Variants in CSRNP3 observed in about 807,000 individuals in gnomAD.
CSRNP3 encodes cysteine/serine-rich nuclear protein 3.
CSRNP3 carries 12 observed loss-of-function variants against 48.0 expected under a neutral mutation model. The ratio of observed to expected loss-of-function variants is 0.25; its 90% CI spans 0.16 to 0.41. The LOEUF (loss-of-function observed/expected upper bound fraction) is 0.41. Among genes scored for constraint, CSRNP3 ranks in the 10% least tolerant of loss-of-function variants. CSRNP3 has a pLI of 1.00. For synonymous variants in CSRNP3, 263 were observed against 269.7 expected, an observed-to-expected ratio of 0.98 and a Z score of 0.24; for missense variants, 580 against 724.4, an observed-to-expected ratio of 0.80 and a Z score of 2.29.
chr2:165,638,234 G>A (rs1686663624), intron 4 of CSRNP3, among the ~76,000 whole-genome samples: 1 of 152,222 alleles, frequency 6.6e-6, no homozygotes, highest in Admixed American at 6.5e-5. Context: ...GGCCAAGGCA[G>A]GTGGATCGCT....
At chr2:165,642,292 CTG>C (rs1029772939) in intron 4 of CSRNP3, among the ~76,000 whole-genome samples, 2 of 152,142 alleles carry the variant, frequency 1.3e-5, no homozygotes, top group African/African-American at 4.8e-5. Flanking sequence ...AGGGAAATAT[CTG>C]TGAGTTCTGA....
chr2:165,507,582 A>G (rs1684444300), intron 2 of CSRNP3, among the ~76,000 whole-genome samples: 1 of 152,202 alleles, frequency 6.6e-6, no homozygotes. Flanking sequence ...TGTGATATCC[A>G]GAATGGATAT....
intron 3 of CSRNP3, among the ~76,000 whole-genome samples, chr2:165,535,653 TATG>T (rs1684871837): frequency 1.3e-5 from 2 of 151,776 alleles, no homozygotes; most frequent in Admixed American, 1.3e-4. Flanking sequence ...GGTTTATTGC[TATG>T]ATGAGAGAGA....
rs866256032 is a variant in CSRNP3, at chr2:165,531,806, C to T, written c.-24+13845C>T. The stretch of plus-strand genomic sequence containing the variant: ...GAAAAGATCAACAAAATTGATACAC[C>T]GCTAGCAAGACTAATAAAGAAGAAA... On this transcript the variant is annotated intron_variant, in intron 3 of 6. Coordinates refer to ENST00000651982, the MANE Select transcript of CSRNP3 (RefSeq NM_001172173.2). Among the ~76,000 whole-genome samples the T allele has an allele frequency of 6.4e-4, 97 of 151,912 alleles. 1 individual carries two copies. The highest frequency in any genetic ancestry group is 1.8e-3 in the African/African-American group (76 of 41,414).
intron 4 of CSRNP3, among the ~76,000 whole-genome samples, chr2:165,598,219 A>G (rs548498807): frequency 3.3e-5 from 5 of 152,276 alleles, no homozygotes; most frequent in African/African-American, 1.2e-4. Flanking sequence ...TCATTCAATT[A>G]ATTTATTTTC....
chr2:165,604,659 A>C (rs1352419666), intron 4 of CSRNP3, among the ~76,000 whole-genome samples: 1 of 152,214 alleles, frequency 6.6e-6, no homozygotes, highest in Admixed American at 6.5e-5. Context: ...AGGCAGAAAC[A>C]TCACTGTTTA....
rs1034008692 is a variant in CSRNP3 at position 165,679,954 on chromosome 2, G to T, written c.*201G>T. ...TACAGTCTCTGTAGGGATTTTAAAA[G>T]ATTTCAGACTGTTTTGATAGAAAAA... On this transcript the variant is annotated 3_prime_UTR_variant, in exon 7 of 7. Transcript: ENST00000651982. The T allele has an allele frequency of 1.4e-6, 1 of 690,866 alleles. No homozygotes were observed. Among genetic ancestry groups the T allele is most frequent in the Non-Finnish European group, 2.3e-6 (1 of 436,702 alleles). 42.8% of individuals were successfully genotyped at this position (690,866 alleles called of 1,614,324 possible).
At chr2:165,533,255 C>T (rs1684838550) in intron 3 of CSRNP3, among the ~76,000 whole-genome samples, 2 of 151,886 alleles carry the variant, frequency 1.3e-5, no homozygotes, top group East Asian at 3.9e-4. Flanking sequence ...TTTTTTAAGT[C>T]ACTGAAGAAA....
chr2:165,487,774 C>G (rs372870162), intron 1 of CSRNP3, among the ~76,000 whole-genome samples: 46,346 of 149,548 alleles, frequency 0.31, 7,843 homozygotes, highest in African/African-American at 0.37. Flanking sequence ...CAGGCCTGCC[C>G]TAAAAGAACT....
At chr2:165,559,418 A>C (rs1344108014) in intron 3 of CSRNP3, among the ~76,000 whole-genome samples, 2 of 152,214 alleles carry the variant, frequency 1.3e-5, no homozygotes, top group Non-Finnish European at 2.9e-5. Context: ...CAGTTGAACA[A>C]GCTTTTTACT....
At chr2:165,557,809 C>T (rs1685179646) in intron 3 of CSRNP3, among the ~76,000 whole-genome samples, 1 of 152,176 alleles carries the variant, frequency 6.6e-6, no homozygotes, top group Non-Finnish European at 1.5e-5. Flanking sequence ...TTCCTAGAAA[C>T]CTCTGCCCTT....
chr2:165,646,315 T>C lies in CSRNP3; in HGVS notation c.149-11446T>C, dbSNP rs139487783. Among the ~76,000 whole-genome samples, 1,098 of 152,294 alleles carry C rather than the reference T, an allele frequency of 7.2e-3. 17 individuals are homozygous for C. The highest frequency in any genetic ancestry group is 0.025 in the African/African-American group (1,044 of 41,560). On this transcript the variant is annotated intron_variant, in intron 4 of 6. Coordinates refer to ENST00000651982, the MANE Select transcript of CSRNP3 (RefSeq NM_001172173.2). ...AGATTTTAGAATTTTTTTGTTGCTC[T>C]TGTTGCTGTTGAGGATTTGTTTTGT...
At chr2:165,614,900 T>A (rs190311397) in intron 4 of CSRNP3, among the ~76,000 whole-genome samples, 98 of 152,334 alleles carry the variant, frequency 6.4e-4, no homozygotes, top group African/African-American at 1.8e-3. Context: ...TTCTAGTTTC[T>A]TTTTCATTGT....
At chr2:165,484,099 G>A (rs532848356) in intron 1 of CSRNP3, among the ~76,000 whole-genome samples, 37 of 152,038 alleles carry the variant, frequency 2.4e-4, no homozygotes, top group Admixed American at 9.8e-4. Flanking sequence ...TCCCATTAGA[G>A]CTATTTTATT....
chr2:165,479,882 C>CAAA (rs574763160), intron 1 of CSRNP3, among the ~76,000 whole-genome samples: 1 of 127,160 alleles, frequency 7.9e-6, no homozygotes, highest in Non-Finnish European at 1.7e-5. Context: ...AGACCAGTCT[C>CAAA]AAAAAAAAAA....
chr2:165,578,397 G>A (rs72877780), intron 3 of CSRNP3, among the ~76,000 whole-genome samples: 4,503 of 152,054 alleles, frequency 0.03, 109 homozygotes, highest in Middle Eastern at 0.078. Context: ...CAGCTGAATC[G>A]TCAACCACCA....
intron 4 of CSRNP3, among the ~76,000 whole-genome samples, chr2:165,653,213 A>G (rs1686943601): frequency 6.6e-6 from 1 of 152,196 alleles, no homozygotes; most frequent in Non-Finnish European, 1.5e-5. Flanking sequence ...TCTTAACTTC[A>G]GGAAAGCCAC....
chr2:165,541,331 T>C (rs190178995), intron 3 of CSRNP3, among the ~76,000 whole-genome samples: 2 of 152,184 alleles, frequency 1.3e-5, no homozygotes, highest in South Asian at 4.2e-4. Flanking sequence ...TTTGTTTTAT[T>C]CTTTACTCGA....
At chr2:165,678,644 G>C in intron 6 of CSRNP3, 57 bp from the exon 7 acceptor site, 1 of 1,548,434 alleles carries the variant, frequency 6.5e-7, no homozygotes, top group Non-Finnish European at 8.7e-7. Context: ...AAAAGTTCTG[G>C]GCGTTTATTT....
Sources: gnomAD v4.1 joint callset for allele counts (sites outside exome capture counted in the v4.1 genomes callset) on GRCh38, gnomAD v4.1.1 for gene constraint, MANE v1.5 for transcripts, NCBI Gene and HGNC (gene_info 2026-07-23, HGNC 2026-07-21) for gene names.